The following PDS5B variants were observed in gnomAD, a reference collection of about 807,000 sequenced individuals.
The protein encoded by PDS5B is sister chromatid cohesion protein PDS5 homolog B.
A neutral mutation model predicts 184.1 loss-of-function variants in PDS5B; 51 were observed. The observed-to-expected ratio is 0.28, with a 90% CI of 0.22 to 0.35. The LOEUF is 0.35. Ranked by LOEUF, PDS5B falls within the 10% of genes least tolerant of loss-of-function variation. PDS5B has a pLI of 1.00. For missense variants in PDS5B, 1,180 were observed against 1,723.3 expected (o/e 0.68, Z 5.58); for synonymous variants, 566 against 569.2 (o/e 0.99, Z 0.08).
chr13:32,731,145 A>C (rs1222259314), intron 19 of PDS5B, among the ~76,000 whole-genome samples: 1 of 151,860 alleles, frequency 6.6e-6, no homozygotes, highest in African/African-American at 2.4e-5. Context: ...CTCCATTTTT[A>C]GGCCTTTACA....
In PDS5B at chr13:32,742,735, A is replaced by G. The variant is rs1169598810; in HGVS notation, c.2612+8A>G. The stretch of plus-strand genomic sequence containing the variant: ...AGAACAGGGGAAAATTAGGTATGCA[A>G]TTACTATTTCACAGTTCTTTGGATT... On this transcript the variant is annotated splice_region_variant and intron_variant, in intron 23 of 34. Coordinates refer to ENST00000315596, the MANE Select transcript of PDS5B (RefSeq NM_015032.4). The G allele has an allele frequency of 1.9e-6, 3 of 1,609,384 alleles. No homozygotes were observed. Among genetic ancestry groups the G allele is most frequent in the Admixed American group, 1.7e-5 (1 of 59,862 alleles).
intron 1 of PDS5B, among the ~76,000 whole-genome samples, chr13:32,627,127 A>G (rs1476505599): frequency 6.6e-6 from 1 of 152,250 alleles, no homozygotes; most frequent in Non-Finnish European, 1.5e-5. Flanking sequence ...TGAGCTGATA[A>G]GCTTACCTGG....
chr13:32,725,720 C>T (rs1409782941), intron 19 of PDS5B, among the ~76,000 whole-genome samples: 1 of 151,970 alleles, frequency 6.6e-6, no homozygotes, highest in Non-Finnish European at 1.5e-5. Flanking sequence ...TCTCTTTTTT[C>T]CCTCATGGCA....
At chr13:32,764,027 AATTG>A (rs1253322297) in intron 30 of PDS5B, among the ~76,000 whole-genome samples, 1 of 149,928 alleles carries the variant, frequency 6.7e-6, no homozygotes, top group Non-Finnish European at 1.5e-5. Flanking sequence ...TGGTAAGTAA[AATTG>A]ATTGACACAA....
chr13:32,696,759 A>T, intron 14 of PDS5B, 95 bp from the exon 15 acceptor site: 1 of 802,794 alleles, frequency 1.2e-6, no homozygotes, highest in Non-Finnish European at 2.1e-6. Flanking sequence ...GGTCTGCAGC[A>T]TTTAGTGGGT....
intron 17 of PDS5B, among the ~76,000 whole-genome samples, chr13:32,704,523 C>G (rs1951951086): frequency 6.6e-6 from 1 of 152,176 alleles, no homozygotes; most frequent in African/African-American, 2.4e-5. Context: ...GAAGAGATGA[C>G]CCAGTCTTTT....
chr13:32,637,643 T>G (rs1486565943), intron 1 of PDS5B, among the ~76,000 whole-genome samples: 1 of 152,096 alleles, frequency 6.6e-6, no homozygotes, highest in African/African-American at 2.4e-5. Context: ...ATGAGTTAAC[T>G]GATATTTGGA....
chr13:32,668,305 C>A (rs1236581130), intron 7 of PDS5B, among the ~76,000 whole-genome samples: 1 of 152,106 alleles, frequency 6.6e-6, no homozygotes, highest in Non-Finnish European at 1.5e-5. Flanking sequence ...GTAAAAGTTG[C>A]TTATCTATTG....
chr13:32,720,474 C>G (rs1311140855), intron 19 of PDS5B, among the ~76,000 whole-genome samples: 1 of 152,014 alleles, frequency 6.6e-6, no homozygotes, highest in Non-Finnish European at 1.5e-5. Context: ...GTCAGAGAAA[C>G]AAACTATACT....
At chr13:32,634,079 C>T (rs1286546864) in intron 1 of PDS5B, among the ~76,000 whole-genome samples, 2 of 152,142 alleles carry the variant, frequency 1.3e-5, no homozygotes, top group South Asian at 2.1e-4. Flanking sequence ...TCAGAGCTTC[C>T]TGTTACTGCT....
chr13:32,746,204 T>C (rs1953736370), intron 24 of PDS5B, 104 bp downstream of exon 24: 3 of 1,016,474 alleles, frequency 3.0e-6, no homozygotes, highest in Admixed American at 4.8e-5. Flanking sequence ...TGTGTATGGT[T>C]TGTTTGTTTC....
chr13:32,765,385 T>G (rs1954551935), intron 31 of PDS5B, among the ~76,000 whole-genome samples: 1 of 152,236 alleles, frequency 6.6e-6, no homozygotes, highest in African/African-American at 2.4e-5. Context: ...TTGATTATGG[T>G]TATCATAATA....
At position 32,775,991 on chromosome 13, in the gene PDS5B, A is replaced by T. The variant is rs1954946793; in HGVS notation, c.*939A>T. 1 of 190,658 alleles carries T rather than the reference A, an allele frequency of 5.2e-6. No homozygotes were observed. The highest frequency in any genetic ancestry group is 1.1e-5 in the Non-Finnish European group (1 of 91,242). 11.8% of individuals were successfully genotyped at this position (190,658 alleles called of 1,614,324 possible). On this transcript the variant is annotated 3_prime_UTR_variant, in exon 35 of 35. Coordinates refer to ENST00000315596, the MANE Select transcript of PDS5B (RefSeq NM_015032.4). ...GAAAATGCAAATTACACTATAATAT[A>T]AAACCTGATATATACACATTAGAAA...
At chr13:32,677,412 CCTTT>C (rs1231063660) in intron 9 of PDS5B, among the ~76,000 whole-genome samples, 2 of 151,836 alleles carry the variant, frequency 1.3e-5, no homozygotes, top group Non-Finnish European at 2.9e-5. Context: ...GTATATGTCA[CCTTT>C]CTATTATGTT....
chr13:32,715,635 C>A (rs1315008396), intron 19 of PDS5B, among the ~76,000 whole-genome samples: 5 of 151,728 alleles, frequency 3.3e-5, no homozygotes, highest in African/African-American at 9.7e-5. Context: ...CTCTCCCTCT[C>A]CCTCTCCCTA....
At chr13:32,694,860 T>C (rs1951658675) in intron 14 of PDS5B, among the ~76,000 whole-genome samples, 1 of 151,632 alleles carries the variant, frequency 6.6e-6, no homozygotes, top group Non-Finnish European at 1.5e-5. Context: ...TTTTTTTTCA[T>C]TGAAATGCTG....
intron 30 of PDS5B, among the ~76,000 whole-genome samples, chr13:32,762,150 T>C (rs1357462773): frequency 1.3e-5 from 2 of 152,204 alleles, no homozygotes; most frequent in Admixed American, 1.3e-4. Flanking sequence ...GTTTTTAAAA[T>C]GATTCTTTGA....
chr13:32,701,363 C>A lies in PDS5B; in HGVS notation c.1781C>A (p.Thr594Lys). The A allele has an allele frequency of 6.2e-7, 1 of 1,612,792 alleles. No homozygotes were observed. Among genetic ancestry groups the A allele is most frequent in the Non-Finnish European group, 8.5e-7 (1 of 1,179,032 alleles). The change falls in exon 17 of 35, where the codon ACA (threonine) becomes AAA (lysine). Residue 594 changes from threonine to lysine, a missense_variant. Thr to Lys is a moderately conservative substitution (Grantham distance 78, BLOSUM62 -1). This residue lies in a region of PDS5B where 475 missense variants were observed against 691.5 expected (regional missense o/e 0.69). Coordinates refer to ENST00000315596, the MANE Select transcript of PDS5B (RefSeq NM_015032.4). ...TKKLGNPKQPTNPFLEMIKFL... is the reference protein window; with the variant it reads ...TKKLGNPKQPKNPFLEMIKFL... ...AAGTTGGGCAACCCCAAACAGCCTA[C>A]AAATCCTTTCCTGGAAATGATCAAG...
rs1954727687 is a variant in PDS5B at position 32,770,111 on chromosome 13, T to C, written c.3625-10T>C. On this transcript the variant is annotated splice_polypyrimidine_tract_variant and intron_variant, in intron 31 of 34. Transcript: ENST00000315596. Reference sequence around the variant, plus strand: ...CATAACCATAAATTGTGATTTTTTTTTTCCCCTAGTCTGAATTGGAGAAGC... The same window carrying C: ...CATAACCATAAATTGTGATTTTTTTCTTCCCCTAGTCTGAATTGGAGAAGC... The C allele has an allele frequency of 6.4e-7, 1 of 1,569,246 alleles. No homozygotes were observed. Among genetic ancestry groups the C allele is most frequent in the African/African-American group, 1.4e-5 (1 of 72,282 alleles).
Sources: gnomAD v4.1 joint callset for allele counts (sites outside exome capture counted in the v4.1 genomes callset) on GRCh38, gnomAD v4.1.1 for gene constraint, gnomAD v4.1.1 regional missense constraint, MANE v1.5 for transcripts, NCBI Gene and HGNC (gene_info 2026-07-23, HGNC 2026-07-21) for gene names.